Variants in RTL4 observed in about 807,000 individuals in gnomAD.
RTL4 encodes the protein retrotransposon Gag like 4.
Under a neutral mutation model 5.3 loss-of-function variants are expected in RTL4, and 4 were observed. The observed-to-expected ratio is 0.75, with a 90% CI of 0.37 to 1.72. The LOEUF is 1.72. Among genes scored for constraint, RTL4 ranks in the 40% most tolerant of loss-of-function variants. The pLI is 0.04. For synonymous variants in RTL4, 98 were observed against 87.3 expected, an observed-to-expected ratio of 1.12 and a Z score of -0.68; for missense variants, 260 against 227.1, an observed-to-expected ratio of 1.14 and a Z score of -0.93.
chrX:112,433,196 A>G, the RTL4 span, among the ~76,000 whole-genome samples: 3 of 111,230 alleles, frequency 2.7e-5, no homozygotes, highest in Non-Finnish European at 3.8e-5. Context: ...TTTGGCTTAG[A>G]ATTGACTTGG....
the RTL4 span, among the ~76,000 whole-genome samples, chrX:112,402,400 TTGTGTGTGTGTGTGTGTGTG>T: frequency 5.7e-5 from 5 of 87,418 alleles, no homozygotes; most frequent in Non-Finnish European, 9.0e-5. Flanking sequence ...GGAATTATTA[TTGTGTGTGTGTGTGTGTGTG>T]TGTGTGTGTG....
the RTL4 span, among the ~76,000 whole-genome samples, chrX:112,318,741 C>A: frequency 5.4e-5 from 6 of 110,571 alleles, no homozygotes; most frequent in African/African-American, 2.0e-4. Flanking sequence ...ATCTCAACAC[C>A]CCCCACCCCA....
chrX:112,170,872 C>T, the RTL4 span, among the ~76,000 whole-genome samples: 7 of 111,342 alleles, frequency 6.3e-5, no homozygotes, highest in African/African-American at 1.3e-4. Context: ...AGTATGATAT[C>T]GGCTGTGGGT....
chrX:112,229,396 A>G, the RTL4 span, among the ~76,000 whole-genome samples: 1 of 112,370 alleles, frequency 8.9e-6, no homozygotes, highest in African/African-American at 3.2e-5. Flanking sequence ...ATCGATGCAC[A>G]GAGAAATTAA....
chrX:112,160,438 T>A, the RTL4 span, among the ~76,000 whole-genome samples: 1 of 112,187 alleles, frequency 8.9e-6, no homozygotes, highest in Non-Finnish European at 1.9e-5. Context: ...AAACTTCTTA[T>A]GCGTCAAGCA....
chrX:112,128,756 A>G, the RTL4 span, among the ~76,000 whole-genome samples: 1 of 110,805 alleles, frequency 9.0e-6, no homozygotes, highest in Non-Finnish European at 1.9e-5. Context: ...ATCCTAATAT[A>G]AGAGATAAAC....
the RTL4 span, among the ~76,000 whole-genome samples, chrX:112,273,820 GATA>G: frequency 2.7e-5 from 3 of 111,272 alleles, no homozygotes; most frequent in South Asian, 7.7e-4. Context: ...GCAAAATGAG[GATA>G]ATAATGATAA....
At chrX:112,431,735 T>G in the RTL4 span, among the ~76,000 whole-genome samples, 1 of 110,702 alleles carries the variant, frequency 9.0e-6, no homozygotes, top group African/African-American at 3.3e-5. Context: ...TTTTTTTATT[T>G]TATTATTATT....
At chrX:112,306,504 T>C in the RTL4 span, among the ~76,000 whole-genome samples, 1 of 111,772 alleles carries the variant, frequency 8.9e-6, no homozygotes, top group East Asian at 2.8e-4. Flanking sequence ...TTCCATGACC[T>C]GCCCGAGGTC....
At chrX:112,164,324 G>GGTAGTTTC in the RTL4 span, among the ~76,000 whole-genome samples, 3 of 112,081 alleles carry the variant, frequency 2.7e-5, no homozygotes, top group Non-Finnish European at 5.6e-5. Flanking sequence ...TCCTAAAAAT[G>GGTAGTTTC]GTAGTTTCGC....
the RTL4 span, among the ~76,000 whole-genome samples, chrX:112,230,430 C>A: frequency 2.7e-5 from 3 of 112,241 alleles, no homozygotes; most frequent in South Asian, 1.1e-3. Context: ...CGTCTGTCAC[C>A]CCTTTCTTTG....
chrX:112,129,334 C>G, the RTL4 span, among the ~76,000 whole-genome samples: 1 of 111,990 alleles, frequency 8.9e-6, no homozygotes, highest in Non-Finnish European at 1.9e-5. Context: ...AGCAATTTTA[C>G]TCATAGGTAT....
chrX:112,391,884 G>A, the RTL4 span, among the ~76,000 whole-genome samples: 1 of 111,100 alleles, frequency 9.0e-6, no homozygotes, highest in Admixed American at 9.5e-5. Flanking sequence ...GTGAGCAAGG[G>A]TCTTTTGTTG....
the RTL4 span, among the ~76,000 whole-genome samples, chrX:112,126,493 T>A: frequency 9.0e-6 from 1 of 111,666 alleles, no homozygotes; most frequent in African/African-American, 3.3e-5. Context: ...ATCAATAACC[T>A]AACTTTGCAC....
the RTL4 span, among the ~76,000 whole-genome samples, chrX:112,253,597 A>T: frequency 3.6e-5 from 4 of 112,429 alleles, no homozygotes; most frequent in Non-Finnish European, 5.6e-5. Context: ...CAGAAGTATG[A>T]TGCAGTCTTG....
the RTL4 span, among the ~76,000 whole-genome samples, chrX:112,269,119 G>A: frequency 8.9e-6 from 1 of 112,202 alleles, no homozygotes; most frequent in Non-Finnish European, 1.9e-5. Flanking sequence ...AGCTATGAAA[G>A]TTGTGGGCTA....
chrX:112,389,353 CT>C, the RTL4 span, among the ~76,000 whole-genome samples: 118 of 108,406 alleles, frequency 1.1e-3, no homozygotes, highest in African/African-American at 3.9e-3. Flanking sequence ...AAAACAACTC[CT>C]GGATTTGTTG....
the RTL4 span, chrX:112,381,696 G>T: frequency 1.7e-5 from 20 of 1,206,297 alleles, no homozygotes; most frequent in Non-Finnish European, 2.1e-5. Flanking sequence ...AGTTTGAAGC[G>T]GAAGTTGCAG....
the RTL4 span, among the ~76,000 whole-genome samples, chrX:112,195,288 A>G: frequency 8.9e-6 from 1 of 112,081 alleles, no homozygotes; most frequent in African/African-American, 3.2e-5. Context: ...CTATTTGAAA[A>G]ATTGAAACAG....
Sources: allele counts gnomAD v4.1 joint callset (sites outside exome capture counted in the v4.1 genomes callset), GRCh38; gene constraint gnomAD v4.1.1; transcripts MANE v1.5; gene names NCBI Gene and HGNC (gene_info 2026-07-23, HGNC 2026-07-21).